FXN: variants seen among roughly 807,000 people sequenced by gnomAD.
The protein encoded by FXN is frataxin, mitochondrial.
Under a neutral mutation model 22.4 loss-of-function variants are expected in FXN, and 14 were observed. The observed-to-expected ratio is 0.62, with a 90% CI of 0.41 to 0.98. The LOEUF (loss-of-function observed/expected upper bound fraction) is 0.98. Among genes scored for constraint, FXN ranks in the 50% least tolerant of loss-of-function variants. The pLI is 0.00. For missense variants in FXN, 267 were observed against 268.4 expected, an observed-to-expected ratio of 0.99 and a Z score of 0.04; for synonymous variants, 120 against 114.1, an observed-to-expected ratio of 1.05 and a Z score of -0.33.
intron 3 of FXN, among the ~76,000 whole-genome samples, chr9:69,053,838 G>A (rs1831905831): frequency 2.0e-5 from 3 of 152,114 alleles, no homozygotes; most frequent in East Asian, 1.9e-4. Context: ...GGGGTAGGTC[G>A]GGTGCATTCC....
rs1271722234 is a variant in FXN, at chr9:69,078,964, C to T, written c.*6202C>T. On this transcript the variant is annotated 3_prime_UTR_variant, in exon 5 of 5. Coordinates refer to ENST00000484259, the MANE Select transcript of FXN (RefSeq NM_000144.5). ...TGTCTCCTTTGTTGACTGCTGTTGC[C>T]CTAGCATCTTGCACAGTTCCTTGCA... 1 of 924,936 alleles carries T rather than the reference C, an allele frequency of 1.1e-6. No homozygotes were observed. Among genetic ancestry groups the T allele is most frequent in the African/African-American group, 1.8e-5 (1 of 55,924 alleles). The allele number at this position is 924,936 out of a possible 1,614,324, so 57.3% of individuals were successfully genotyped here.
At chr9:69,050,181 A>G (rs2498428) in intron 2 of FXN, among the ~76,000 whole-genome samples, 1 of 152,004 alleles carries the variant, frequency 6.6e-6, no homozygotes, top group Non-Finnish European at 1.5e-5. Context: ...ATTTCTTTCT[A>G]TCACAATGAT....
intron 4 of FXN, among the ~76,000 whole-genome samples, chr9:69,071,525 A>G (rs1193882479): frequency 6.6e-6 from 1 of 152,178 alleles, no homozygotes; most frequent in Non-Finnish European, 1.5e-5. Flanking sequence ...ATCATCCATG[A>G]GGCCATGAGG....
Position 69,075,711 on chromosome 9 carries a change from C to T in FXN, c.*2949C>T. 2.0e-6 allele frequency: 2 copies of T among 985,066 alleles called. No homozygotes were observed. The highest frequency in any genetic ancestry group is 2.4e-6 in the Non-Finnish European group (2 of 829,644). 61.0% of individuals were successfully genotyped at this position (985,066 alleles called of 1,614,324 possible). A position where few individuals can be genotyped will look rare whatever the true frequency, so the allele number is the denominator to read the frequency against. ...GGAGGAGGTGAGGAATTGCATAATA[C>T]AATCTTAGAAAACTTTTTTTTCCCC... On this transcript the variant is annotated 3_prime_UTR_variant, in exon 5 of 5. Coordinates refer to ENST00000484259, the MANE Select transcript of FXN (RefSeq NM_000144.5).
Position 69,075,771 on chromosome 9 carries a change from C to T in FXN, c.*3009C>T. On this transcript the variant is annotated 3_prime_UTR_variant, in exon 5 of 5. Transcript: ENST00000484259. ...TTTGAGACAGGATCTCACTTTGGCA[C>T]TCAGGCTGGAGGACAGTGGTACAAT... 2.2e-6 allele frequency: 2 copies of T among 913,748 alleles called. No homozygotes were observed. Among genetic ancestry groups the T allele is most frequent in the Non-Finnish European group, 1.3e-6 (1 of 764,890 alleles). The allele number at this position is 913,748 out of a possible 1,614,324, so 56.6% of individuals were successfully genotyped here.
rs141583383 is a variant in FXN, at chr9:69,048,773, C to T, written c.263+2291C>T. On this transcript the variant is annotated intron_variant, in intron 2 of 4. Coordinates refer to ENST00000484259, the MANE Select transcript of FXN (RefSeq NM_000144.5). Reference sequence around the variant, plus strand: ...GGTATTCAGGAACATTCTACCTGTCCCCAGAGCTATATGCTCAGTAGGCAT... The same window carrying T: ...GGTATTCAGGAACATTCTACCTGTCTCCAGAGCTATATGCTCAGTAGGCAT... Among the ~76,000 whole-genome samples, 144 of 152,274 alleles carry T rather than the reference C, an allele frequency of 9.5e-4. 2 individuals carry two copies. In the East Asian group the frequency reaches 0.026, roughly 27 times the overall value.
intron 3 of FXN, among the ~76,000 whole-genome samples, chr9:69,059,389 A>ATTTTT (rs1329506700): frequency 6.0e-4 from 30 of 50,024 alleles, no homozygotes; most frequent in Admixed American, 2.1e-3. Context: ...CAGAGGCAGC[A>ATTTTT]TCTTTTTTTT....
chr9:69,035,989 G>T, intron 1 of FXN, 42 bp downstream of exon 1: 1 of 1,369,114 alleles, frequency 7.3e-7, no homozygotes, highest in Non-Finnish European at 9.4e-7. Flanking sequence ...CGCACGCCGC[G>T]GGCCGCACGC....
rs762522892 is a variant in FXN, at chr9:69,073,711, A to G, written c.*949A>G. Reference sequence around the variant, plus strand: ...CCTCTGCTTCCCCATCTGTTAAATGAGAGAATAGAGTATGGTTGATTCCCA... The same window carrying G: ...CCTCTGCTTCCCCATCTGTTAAATGGGAGAATAGAGTATGGTTGATTCCCA... On this transcript the variant is annotated 3_prime_UTR_variant, in exon 5 of 5. Transcript: ENST00000484259. 2.0e-6 allele frequency: 2 copies of G among 985,404 alleles called. No individual in the cohort carries two copies. The highest frequency in any genetic ancestry group is 2.4e-6 in the Non-Finnish European group (2 of 829,926). The allele number at this position is 985,404 out of a possible 1,614,324, so 61.0% of individuals were successfully genotyped here.
rs961686327 is a variant in FXN at position 69,074,420 on chromosome 9, G to C, written c.*1658G>C. 1.0e-6 allele frequency: 1 copy of C among 981,936 alleles called. No individual in the cohort carries two copies. Among genetic ancestry groups the C allele is most frequent in the Non-Finnish European group, 1.2e-6 (1 of 826,998 alleles). The allele number at this position is 981,936 out of a possible 1,614,324, so 60.8% of individuals were successfully genotyped here. A position where few individuals can be genotyped will look rare whatever the true frequency, so the allele number is the denominator to read the frequency against. On this transcript the variant is annotated 3_prime_UTR_variant, in exon 5 of 5. Transcript: ENST00000484259. Reference sequence around the variant, plus strand: ...ATGGTGGCGTGCACCTGTAATCCCAGGTACTCAGGAGGCTGAGACGGGAGA... The same window carrying C: ...ATGGTGGCGTGCACCTGTAATCCCACGTACTCAGGAGGCTGAGACGGGAGA...
rs1192903024 is a variant in FXN at position 69,078,564 on chromosome 9, GC to G, written c.*5803del. ...CCAAGTTTCTTAGCCTGAAAAATGT[GC>G]TTTTCTGACTGAACTGTTCAGGCAC... On this transcript the variant is annotated 3_prime_UTR_variant, in exon 5 of 5. Transcript: ENST00000484259. 10 of 985,436 alleles carry G rather than the reference GC, an allele frequency of 1.0e-5. No homozygotes were observed. The highest frequency in any genetic ancestry group is 1.2e-5 in the Non-Finnish European group (10 of 829,948). The allele number at this position is 985,436 out of a possible 1,614,324, so 61.0% of individuals were successfully genotyped here. A position where few individuals can be genotyped will look rare whatever the true frequency, so the allele number is the denominator to read the frequency against.
intron 4 of FXN, among the ~76,000 whole-genome samples, chr9:69,068,934 G>A (rs1331281250): frequency 1.3e-5 from 2 of 152,200 alleles, no homozygotes; most frequent in African/African-American, 2.4e-5. Context: ...TGCAAAGTGC[G>A]TCCTGCATGC....
intron 3 of FXN, among the ~76,000 whole-genome samples, chr9:69,055,380 C>A (rs1014878815): frequency 6.6e-6 from 1 of 152,264 alleles, no homozygotes; most frequent in East Asian, 1.9e-4. Flanking sequence ...GTCATGAAAC[C>A]TGTTTTTATA....
chr9:69,064,559 T>A (rs1349224007), intron 3 of FXN, among the ~76,000 whole-genome samples: 1 of 152,138 alleles, frequency 6.6e-6, no homozygotes, highest in Non-Finnish European at 1.5e-5. Context: ...GAGTCTGCAT[T>A]TTTTTTATGT....
chr9:69,078,015 A>G lies in FXN; in HGVS notation c.*5253A>G, dbSNP rs1181027543. 3.0e-6 allele frequency: 3 copies of G among 985,302 alleles called. No individual in the cohort carries two copies. Among genetic ancestry groups the G allele is most frequent in the Non-Finnish European group, 3.6e-6 (3 of 829,898 alleles). 61.0% of individuals were successfully genotyped at this position (985,302 alleles called of 1,614,324 possible). Reference sequence around the variant, plus strand: ...AATAAGACAATATCATTTCCCAATTACATTCCTTTCCTACCGCACTCTATG... The same window carrying G: ...AATAAGACAATATCATTTCCCAATTGCATTCCTTTCCTACCGCACTCTATG... On this transcript the variant is annotated 3_prime_UTR_variant, in exon 5 of 5. Coordinates refer to ENST00000484259, the MANE Select transcript of FXN (RefSeq NM_000144.5).
At position 69,053,266 on chromosome 9, in the gene FXN, T is replaced by G. The variant is rs780779362; in HGVS notation, c.384+6T>G. The G allele has an allele frequency of 1.1e-5, 18 of 1,613,312 alleles. No individual in the cohort carries two copies. In the East Asian group the frequency reaches 2.5e-4, roughly 22 times the overall value. The stretch of plus-strand genomic sequence containing the variant: ...ACTATGATGTCTCCTTTGGGGTACC[T>G]CTTGACTTCTTTTATTTTTCTGTTT... On this transcript the variant is annotated splice_donor_region_variant and intron_variant, in intron 3 of 4. Transcript: ENST00000484259.
chr9:69,038,315 T>A (rs999406535), intron 1 of FXN, among the ~76,000 whole-genome samples: 2 of 152,144 alleles, frequency 1.3e-5, no homozygotes, highest in African/African-American at 4.8e-5. Context: ...CCAAAATTCA[T>A]CAGAAACTGA....
intron 4 of FXN, among the ~76,000 whole-genome samples, chr9:69,071,495 G>A (rs1832274057): frequency 6.6e-6 from 1 of 152,186 alleles, no homozygotes; most frequent in Non-Finnish European, 1.5e-5. Flanking sequence ...ATGCACTAGT[G>A]TTATCTGCTG....
At chr9:69,052,385 C>T (rs1370822934) in intron 2 of FXN, among the ~76,000 whole-genome samples, 1 of 152,038 alleles carries the variant, frequency 6.6e-6, no homozygotes, top group African/African-American at 2.4e-5. Flanking sequence ...AACTCCTGAC[C>T]TCAGGTGAGC....
Sources: gnomAD v4.1 joint callset for allele counts (sites outside exome capture counted in the v4.1 genomes callset) on GRCh38, gnomAD v4.1.1 for gene constraint, MANE v1.5 for transcripts, NCBI Gene and HGNC (gene_info 2026-07-23, HGNC 2026-07-21) for gene names.